NOL4: variants seen among roughly 807,000 people sequenced by gnomAD.
NOL4 encodes the protein cancer/testis antigen 125.
Under a neutral mutation model 75.9 loss-of-function variants are expected in NOL4, and 17 were observed. The ratio of observed to expected loss-of-function variants is 0.22; its 90% CI spans 0.15 to 0.34. The LOEUF (loss-of-function observed/expected upper bound fraction) is 0.34, where lower values mean the gene tolerates loss of function less well. Among genes scored for constraint, NOL4 ranks in the 10% least tolerant of loss-of-function variants. The pLI, the probability that NOL4 is intolerant of heterozygous loss-of-function variation, is 1.00. For synonymous variants in NOL4, 292 were observed against 289.9 expected (o/e 1.01, Z -0.07); for missense variants, 614 against 793.5 (o/e 0.77, Z 2.72).
intron 9 of NOL4, among the ~76,000 whole-genome samples, chr18:33,888,408 AG>A (rs1212926242): frequency 3.3e-5 from 5 of 152,018 alleles, no homozygotes; most frequent in Non-Finnish European, 7.4e-5. Context: ...GCTGTGCAGA[AG>A]CTCTTTAGTT....
rs530322795 is a variant in NOL4, at chr18:33,887,045, G to T, written c.1543-3621C>A. ...TATATATCTAGATATATTATATCTA[G>T]ATCTAATATATATCTATATATAATA... On this transcript the variant is annotated intron_variant, in intron 9 of 10. Coordinates refer to ENST00000261592, the MANE Select transcript of NOL4 (RefSeq NM_003787.5). Among the ~76,000 whole-genome samples, 64 of 123,550 alleles carry T rather than the reference G, an allele frequency of 5.2e-4. No homozygotes were observed. In the South Asian group the frequency reaches 0.013, roughly 25 times the overall value. 81.1% of individuals were successfully genotyped at this position (123,550 alleles called of 152,430 possible). A position where few individuals can be genotyped will look rare whatever the true frequency, so the allele number is the denominator to read the frequency against.
chr18:33,928,048 C>G (rs775771815), intron 9 of NOL4, among the ~76,000 whole-genome samples: 6 of 152,068 alleles, frequency 3.9e-5, no homozygotes, highest in African/African-American at 7.2e-5. Context: ...GGAGAAAGGA[C>G]AGGGCAAGGA....
intron 9 of NOL4, among the ~76,000 whole-genome samples, chr18:33,894,612 C>G (rs560498769): frequency 6.6e-6 from 1 of 152,044 alleles, no homozygotes. Context: ...CCAAAGTCAC[C>G]GCAGGATACC....
chr18:34,106,607 G>A (rs1356010335), intron 2 of NOL4, among the ~76,000 whole-genome samples: 1 of 151,696 alleles, frequency 6.6e-6, no homozygotes, highest in Non-Finnish European at 1.5e-5. Flanking sequence ...TGAGGAAAAT[G>A]ATCAGAACAA....
intron 10 of NOL4, among the ~76,000 whole-genome samples, chr18:33,860,094 G>C (rs1013733758): frequency 2.3e-4 from 35 of 151,992 alleles, no homozygotes; most frequent in African/African-American, 7.0e-4. Context: ...ACATGTGAAG[G>C]TGGAACTGTC....
intron 8 of NOL4, among the ~76,000 whole-genome samples, chr18:33,947,221 G>A (rs565130023): frequency 2.2e-4 from 33 of 151,910 alleles, no homozygotes; most frequent in African/African-American, 7.7e-4. Flanking sequence ...TAAAACTAGT[G>A]TTTAGTACGT....
At chr18:33,916,418 C>A (rs574500146) in intron 9 of NOL4, among the ~76,000 whole-genome samples, 1 of 152,220 alleles carries the variant, frequency 6.6e-6, no homozygotes, top group African/African-American at 2.4e-5. Context: ...CATCAGAGAA[C>A]AATCTTTATC....
chr18:34,118,941 T>G (rs573280806), intron 2 of NOL4, among the ~76,000 whole-genome samples: 1 of 152,310 alleles, frequency 6.6e-6, no homozygotes, highest in Admixed American at 6.5e-5. Flanking sequence ...CAAATATCTA[T>G]TGAATGCATA....
rs185538140 is a variant in NOL4, at chr18:33,974,450, C to T, written c.1057-16032G>A. Among the ~76,000 whole-genome samples the T allele has an allele frequency of 3.5e-4, 53 of 152,176 alleles. 1 individual carries two copies. Among genetic ancestry groups the T allele is most frequent in the Admixed American group, 8.5e-4 (13 of 15,274 alleles). On this transcript the variant is annotated intron_variant, in intron 6 of 10. Transcript: ENST00000261592. The stretch of plus-strand genomic sequence containing the variant: ...ATGGAGGAGGACTTTTAATTTTCTT[C>T]AGAAGGCTCAAGGAGAGGGAGAGAG...
At chr18:34,051,301 T>C (rs1160947344) in intron 5 of NOL4, among the ~76,000 whole-genome samples, 1 of 152,082 alleles carries the variant, frequency 6.6e-6, no homozygotes, top group Non-Finnish European at 1.5e-5. Context: ...GACAATACTT[T>C]AGAATTCTAA....
intron 9 of NOL4, among the ~76,000 whole-genome samples, chr18:33,940,491 T>G (rs765454939): frequency 2.0e-5 from 3 of 151,404 alleles, no homozygotes; most frequent in Non-Finnish European, 4.4e-5. Flanking sequence ...TAAGTGGGAG[T>G]TGAACAATGA....
chr18:34,019,237 G>T, intron 6 of NOL4, 81 bp downstream of exon 6: 2 of 1,137,032 alleles, frequency 1.8e-6, no homozygotes, highest in Non-Finnish European at 2.5e-6. Flanking sequence ...TAACAATAAT[G>T]TTTATCTGCT....
chr18:34,152,297 G>A (rs960151055), intron 1 of NOL4, among the ~76,000 whole-genome samples: 1 of 151,746 alleles, frequency 6.6e-6, no homozygotes, highest in African/African-American at 2.4e-5. Context: ...AAACAGAAAT[G>A]TTCATGTAAA....
intron 6 of NOL4, among the ~76,000 whole-genome samples, chr18:33,990,505 C>T (rs2072838208): frequency 6.6e-6 from 1 of 151,976 alleles, no homozygotes; most frequent in Non-Finnish European, 1.5e-5. Context: ...CTTATTTGTG[C>T]AGTTTGTCGA....
chr18:34,154,324 C>T lies in NOL4; in HGVS notation c.265-24304G>A, dbSNP rs539418384. On this transcript the variant is annotated intron_variant, in intron 1 of 10. Coordinates refer to ENST00000261592, the MANE Select transcript of NOL4 (RefSeq NM_003787.5). ...TGTACACATTAAACACTTCCACATA[C>T]GGATCACCAAGTTCCAGAAATAGAA... Among the ~76,000 whole-genome samples, 40 of 152,094 alleles carry T rather than the reference C, an allele frequency of 2.6e-4. No individual in the cohort carries two copies. The South Asian group carries it at 6.8e-3, about 26-fold the overall frequency.
intron 9 of NOL4, among the ~76,000 whole-genome samples, chr18:33,887,067 AAT>A (rs1171445416): frequency 4.1e-4 from 57 of 140,130 alleles, no homozygotes; most frequent in African/African-American, 1.4e-3. Context: ...ATCTATATAT[AAT>A]ATATATATCT....
intron 9 of NOL4, among the ~76,000 whole-genome samples, chr18:33,925,304 A>T (rs946639544): frequency 3.9e-5 from 6 of 152,330 alleles, no homozygotes; most frequent in African/African-American, 1.4e-4. Flanking sequence ...TTGTAGCTAG[A>T]ATATAAATTA....
intron 5 of NOL4, among the ~76,000 whole-genome samples, chr18:34,024,349 C>G (rs2075238518): frequency 6.6e-6 from 1 of 150,668 alleles, no homozygotes. Context: ...TTGATGCCCC[C>G]CTTAGAAAAC....
At chr18:34,157,805 G>A (rs2030709034) in intron 1 of NOL4, among the ~76,000 whole-genome samples, 1 of 152,082 alleles carries the variant, frequency 6.6e-6, no homozygotes, top group African/African-American at 2.4e-5. Flanking sequence ...CAAATGAAAG[G>A]GACCATTCGA....
Sources: gnomAD v4.1 joint callset for allele counts (sites outside exome capture counted in the v4.1 genomes callset) on GRCh38, gnomAD v4.1.1 for gene constraint, MANE v1.5 for transcripts, NCBI Gene and HGNC (gene_info 2026-07-23, HGNC 2026-07-21) for gene names.